The following RBFOX1 variants were observed in gnomAD, a reference collection of about 807,000 sequenced individuals.
RBFOX1 encodes RNA binding fox-1 homolog 1.
RBFOX1 carries 8 observed loss-of-function variants against 57.7 expected under a neutral mutation model. The ratio of observed to expected loss-of-function variants is 0.14; its 90% CI spans 0.08 to 0.25. The LOEUF is 0.25. Ranked by LOEUF, RBFOX1 falls within the 10% of genes least tolerant of loss-of-function variation. RBFOX1 has a pLI of 1.00. For missense variants in RBFOX1, 611 were observed against 548.5 expected (o/e 1.11, Z -1.14); for synonymous variants, 326 against 222.4 (o/e 1.47, Z -4.15).
intron 2 of RBFOX1, among the ~76,000 whole-genome samples, chr16:5,548,643 C>A (rs527240050): frequency 6.6e-6 from 1 of 151,718 alleles, no homozygotes; most frequent in South Asian, 2.1e-4. Context: ...CAACTATGTA[C>A]CCAAATGATT....
intron 4 of RBFOX1, among the ~76,000 whole-genome samples, chr16:7,337,526 A>G (rs1212748560): frequency 1.3e-5 from 2 of 152,204 alleles, no homozygotes; most frequent in African/African-American, 2.4e-5. Context: ...GTTTAAACAT[A>G]GATCTCAAGA....
intron 3 of RBFOX1, among the ~76,000 whole-genome samples, chr16:6,950,912 CTCTT>C (rs1568040023): frequency 6.0e-5 from 9 of 149,298 alleles, no homozygotes; most frequent in Non-Finnish European, 1.0e-4. Flanking sequence ...CTTTCTTTCT[CTCTT>C]TTTTTTTGAC....
intron 3 of RBFOX1, among the ~76,000 whole-genome samples, chr16:6,890,712 T>C (rs2065212027): frequency 1.3e-5 from 2 of 152,212 alleles, no homozygotes; most frequent in African/African-American, 4.8e-5. Context: ...ATGAATAGCA[T>C]ATTCCAAGTG....
At chr16:6,675,309 T>A (rs538183906) in intron 3 of RBFOX1, among the ~76,000 whole-genome samples, 1 of 152,294 alleles carries the variant, frequency 6.6e-6, no homozygotes, top group East Asian at 1.9e-4. Flanking sequence ...TGGCTTTAGG[T>A]ATGCCTAAAT....
intron 1 of RBFOX1, among the ~76,000 whole-genome samples, chr16:5,324,497 C>G (rs1003366431): frequency 6.6e-6 from 1 of 152,002 alleles, no homozygotes; most frequent in African/African-American, 2.4e-5. Context: ...TAGCCCTGCC[C>G]CAAACCTTAT....
At chr16:5,941,100 C>T (rs935766118) in intron 4 of RBFOX1, among the ~76,000 whole-genome samples, 5 of 152,038 alleles carry the variant, frequency 3.3e-5, no homozygotes, top group South Asian at 4.2e-4. Flanking sequence ...CACCCATCCC[C>T]AGTAAAGTAG....
intron 4 of RBFOX1, among the ~76,000 whole-genome samples, chr16:7,217,408 C>T (rs1205428261): frequency 1.4e-5 from 2 of 146,418 alleles, no homozygotes; most frequent in African/African-American, 2.5e-5. Context: ...GGATTACAGG[C>T]ATGAACCACC....
chr16:6,981,209 C>T (rs142176127), intron 3 of RBFOX1, among the ~76,000 whole-genome samples: 1,756 of 151,944 alleles, frequency 0.012, 27 homozygotes, highest in African/African-American at 0.04. Flanking sequence ...CAGATTATTT[C>T]ATCACCCAGG....
chr16:5,986,720 C>A (rs2060293741), intron 4 of RBFOX1, among the ~76,000 whole-genome samples: 1 of 152,170 alleles, frequency 6.6e-6, no homozygotes, highest in Non-Finnish European at 1.5e-5. Context: ...ATATTTCACT[C>A]CCTTTCATTG....
chr16:6,771,824 G>T (rs551377028), intron 3 of RBFOX1, among the ~76,000 whole-genome samples: 92 of 152,172 alleles, frequency 6.0e-4, no homozygotes, highest in Non-Finnish European at 7.3e-4. Flanking sequence ...TACCAAGACT[G>T]AGAGTTCCTG....
intron 1 of RBFOX1, among the ~76,000 whole-genome samples, chr16:5,419,384 G>T (rs1414844533): frequency 6.6e-6 from 1 of 152,068 alleles, no homozygotes; most frequent in Non-Finnish European, 1.5e-5. Context: ...GGCTGGGGGA[G>T]GCTAAAGAAA....
intron 11 of RBFOX1, among the ~76,000 whole-genome samples, chr16:7,644,620 G>A (rs560286847): frequency 3.3e-5 from 5 of 152,244 alleles, no homozygotes; most frequent in East Asian, 1.9e-4. Flanking sequence ...ATCACACACC[G>A]TAGTCAATAC....
chr16:6,003,148 G>T (rs1233397079), intron 4 of RBFOX1, among the ~76,000 whole-genome samples: 1 of 152,082 alleles, frequency 6.6e-6, no homozygotes, highest in African/African-American at 2.4e-5. Flanking sequence ...GCGTGGTGGC[G>T]GGCGGTTGTA....
chr16:6,707,281 C>T (rs1413165200), intron 3 of RBFOX1, among the ~76,000 whole-genome samples: 1 of 152,140 alleles, frequency 6.6e-6, no homozygotes, highest in African/African-American at 2.4e-5. Flanking sequence ...GATCTGTGTT[C>T]TGAAAGTGAG....
intron 3 of RBFOX1, among the ~76,000 whole-genome samples, chr16:6,737,225 A>G (rs60797148): frequency 0.1 from 15,324 of 152,258 alleles, 1,045 homozygotes; most frequent in African/African-American, 0.18. Flanking sequence ...AATGTAATTT[A>G]AATAAAGGGT....
At chr16:6,367,804 C>G (rs1356397227) in intron 2 of RBFOX1, among the ~76,000 whole-genome samples, 2 of 151,324 alleles carry the variant, frequency 1.3e-5, no homozygotes, top group Non-Finnish European at 2.9e-5. Context: ...AAGATGTTTT[C>G]AAAGAGTCAG....
chr16:7,688,452 G>C (rs1407331212), intron 14 of RBFOX1, among the ~76,000 whole-genome samples: 1 of 152,004 alleles, frequency 6.6e-6, no homozygotes, highest in South Asian at 2.1e-4. Flanking sequence ...TATGGGGAAT[G>C]TTTACGTCCC....
chr16:6,498,840 G>T (rs1253885882), intron 2 of RBFOX1, among the ~76,000 whole-genome samples: 1 of 152,268 alleles, frequency 6.6e-6, no homozygotes, highest in South Asian at 2.1e-4. Context: ...GCCAAGATAT[G>T]CATGGTAAAA....
rs371243510 is a variant in RBFOX1 at position 6,957,321 on chromosome 16, C to G, written c.-15-94736C>G. On this transcript the variant is annotated intron_variant, in intron 3 of 15. Transcript: ENST00000550418. ...TAATTTTTTGTATTTTTAGTACAGA[C>G]GGGGTTTCACCATGTTAGCCAGGAT... 4.0e-5 allele frequency among the ~76,000 whole-genome samples: 6 copies of G among 151,854 alleles called. No individual in the cohort carries two copies. In the East Asian group the frequency reaches 7.8e-4, roughly 20 times the overall value.
Sources: allele counts gnomAD v4.1 joint callset (sites outside exome capture counted in the v4.1 genomes callset), GRCh38; gene constraint gnomAD v4.1.1; transcripts MANE v1.5; gene names NCBI Gene and HGNC (gene_info 2026-07-23, HGNC 2026-07-21).